FIRRM: variants seen among roughly 807,000 people sequenced by gnomAD.
FIRRM encodes FIGNL1-interacting regulator of recombination and mitosis.
At chr1:169,846,839 C>T in the FIRRM span, among the ~76,000 whole-genome samples, 172 of 152,288 alleles carry the variant, frequency 1.1e-3, no homozygotes, top group Non-Finnish European at 1.8e-3. Context: ...AAGAACTTTT[C>T]CTTTGCATTC....
At chr1:169,786,894 G>A in the FIRRM span, among the ~76,000 whole-genome samples, 9 of 148,888 alleles carry the variant, frequency 6.0e-5, no homozygotes, top group Non-Finnish European at 1.1e-4. Context: ...AGGTGACTGA[G>A]CTGATTGAAT....
the FIRRM span, chr1:169,792,467 C>T: frequency 2.8e-6 from 3 of 1,053,746 alleles, no homozygotes; most frequent in Non-Finnish European, 4.0e-6. Context: ...ATAAACAAAA[C>T]TAAACAAACA....
At chr1:169,844,410 A>T in the FIRRM span, among the ~76,000 whole-genome samples, 1 of 152,242 alleles carries the variant, frequency 6.6e-6, no homozygotes, top group Non-Finnish European at 1.5e-5. Context: ...GATGCCCCAA[A>T]TTAAGAGTTA....
At chr1:169,813,720 A>T in the FIRRM span, among the ~76,000 whole-genome samples, 7 of 152,362 alleles carry the variant, frequency 4.6e-5, no homozygotes, top group Admixed American at 2.6e-4. Context: ...GAGACATATT[A>T]CATATAGCTC....
At chr1:169,830,362 T>A in the FIRRM span, 1 of 1,602,804 alleles carries the variant, frequency 6.2e-7, no homozygotes, top group Non-Finnish European at 8.5e-7. Flanking sequence ...TTTGCTTTTT[T>A]GTTCTTTGGA....
At chr1:169,813,305 C>T in the FIRRM span, among the ~76,000 whole-genome samples, 1 of 152,164 alleles carries the variant, frequency 6.6e-6, no homozygotes, top group Non-Finnish European at 1.5e-5. Context: ...TAATAACTTT[C>T]CCCAGATCAT....
the FIRRM span, among the ~76,000 whole-genome samples, chr1:169,807,627 A>G: frequency 1.3e-5 from 2 of 152,220 alleles, no homozygotes; most frequent in African/African-American, 4.8e-5. Context: ...AAACAAATAT[A>G]ACTGCTTCAG....
chr1:169,796,084 A>G, the FIRRM span: 9 of 493,116 alleles, frequency 1.8e-5, no homozygotes, highest in Non-Finnish European at 2.1e-5. Context: ...GAGAATCTCA[A>G]TACTGCACAA....
At chr1:169,847,599 CCCA>C in the FIRRM span, 3 of 911,664 alleles carry the variant, frequency 3.3e-6, no homozygotes, top group Non-Finnish European at 5.1e-6. Context: ...GTTTCCCCTC[CCCA>C]CATTTCCATC....
chr1:169,843,703 A>G, the FIRRM span: 1 of 1,613,294 alleles, frequency 6.2e-7, no homozygotes, highest in African/African-American at 1.3e-5. Flanking sequence ...TTCAACAGAC[A>G]TTCAGCCTTT....
chr1:169,812,157 A>G, the FIRRM span, among the ~76,000 whole-genome samples: 1 of 152,252 alleles, frequency 6.6e-6, no homozygotes, highest in African/African-American at 2.4e-5. Flanking sequence ...GCTATTTAGT[A>G]ATGAAGTAAA....
chr1:169,833,926 G>A, the FIRRM span, among the ~76,000 whole-genome samples: 1 of 139,814 alleles, frequency 7.2e-6, no homozygotes, highest in African/African-American at 2.7e-5. Context: ...CTTGAACTCA[G>A]ACGATCCTCC....
At chr1:169,849,938 T>C in the FIRRM span, 1 of 465,856 alleles carries the variant, frequency 2.1e-6, no homozygotes, top group Admixed American at 3.7e-5. Context: ...GTCATAAGGG[T>C]TAGGCTGATG....
At chr1:169,784,177 A>G in the FIRRM span, among the ~76,000 whole-genome samples, 1 of 152,180 alleles carries the variant, frequency 6.6e-6, no homozygotes, top group East Asian at 1.9e-4. Flanking sequence ...GTTATTCTAC[A>G]TATAAAGTTC....
At chr1:169,809,333 A>C in the FIRRM span, among the ~76,000 whole-genome samples, 1 of 152,062 alleles carries the variant, frequency 6.6e-6, no homozygotes, top group Non-Finnish European at 1.5e-5. Flanking sequence ...TAAAAGGAGA[A>C]GTTTGTTTGG....
the FIRRM span, among the ~76,000 whole-genome samples, chr1:169,797,533 G>C: frequency 1.3e-5 from 2 of 152,110 alleles, no homozygotes; most frequent in Non-Finnish European, 2.9e-5. Flanking sequence ...GTATTACTGT[G>C]GTAGGACTAT....
the FIRRM span, among the ~76,000 whole-genome samples, chr1:169,817,134 AT>A: frequency 6.6e-6 from 1 of 152,080 alleles, no homozygotes; most frequent in Non-Finnish European, 1.5e-5. Context: ...AAAAAAAAAA[AT>A]TACTTCAGTC....
chr1:169,818,878 G>A, the FIRRM span, among the ~76,000 whole-genome samples: 1 of 152,060 alleles, frequency 6.6e-6, no homozygotes, highest in African/African-American at 2.4e-5. Flanking sequence ...GTAGAGACAG[G>A]GTTTCGCCAT....
the FIRRM span, chr1:169,842,458 T>G: frequency 1.2e-6 from 2 of 1,613,988 alleles, no homozygotes; most frequent in Non-Finnish European, 1.7e-6. Context: ...GTAATTCTGC[T>G]GGTGAAGCTT....
Sources: allele counts gnomAD v4.1 joint callset (sites outside exome capture counted in the v4.1 genomes callset), GRCh38; gene constraint gnomAD v4.1.1; transcripts MANE v1.5; gene names NCBI Gene and HGNC (gene_info 2026-07-23, HGNC 2026-07-21).